Variants in PCDH15 observed in about 807,000 individuals in gnomAD.
The protein encoded by PCDH15 is protocadherin-15.
Under a neutral mutation model 178.5 loss-of-function variants are expected in PCDH15, and 129 were observed. That is an observed-to-expected ratio of 0.72 (90% CI 0.63 to 0.84). The LOEUF (loss-of-function observed/expected upper bound fraction) is 0.84, where lower values mean the gene tolerates loss of function less well. Ranked by LOEUF, PCDH15 falls within the 40% of genes least tolerant of loss-of-function variation. The pLI is 0.00. For synonymous variants in PCDH15, 800 were observed against 732.0 expected (o/e 1.09, Z -1.50); for missense variants, 2,230 against 2,099.9 (o/e 1.06, Z -1.21).
chr10:55,436,529 T>C (rs1289994586), intron 2 of PCDH15, among the ~76,000 whole-genome samples: 2 of 152,106 alleles, frequency 1.3e-5, no homozygotes, highest in Middle Eastern at 3.2e-3. Context: ...TCTTGGGCTT[T>C]AGTTTGTTTC....
chr10:54,188,194 T>A (rs10825264), intron 11 of PCDH15, among the ~76,000 whole-genome samples: 1 of 151,858 alleles, frequency 6.6e-6, no homozygotes. Flanking sequence ...AAATTCCTTC[T>A]TGTCAAGCTG....
intron 1 of PCDH15, among the ~76,000 whole-genome samples, chr10:55,256,310 C>G (rs779744482): frequency 1.3e-5 from 2 of 152,082 alleles, no homozygotes; most frequent in Non-Finnish European, 2.9e-5. Flanking sequence ...AGGCAGAAGA[C>G]GGGTGATTTC....
intron 14 of PCDH15, among the ~76,000 whole-genome samples, chr10:54,141,092 G>GTA (rs1315962850): frequency 6.6e-6 from 1 of 150,494 alleles, no homozygotes; most frequent in Non-Finnish European, 1.5e-5. Flanking sequence ...ATACATATAT[G>GTA]TATATATATT....
intron 20 of PCDH15, among the ~76,000 whole-genome samples, chr10:54,010,244 C>T (rs2092533668): frequency 7.7e-6 from 1 of 130,524 alleles, no homozygotes; most frequent in Non-Finnish European, 1.8e-5. Flanking sequence ...AGTTTCCTTA[C>T]AGAAAAGCGG....
At chr10:55,131,231 C>T (rs1240636816) in intron 2 of PCDH15, among the ~76,000 whole-genome samples, 1 of 152,134 alleles carries the variant, frequency 6.6e-6, no homozygotes, top group Admixed American at 6.5e-5. Flanking sequence ...AACAAATGAC[C>T]TTTTCACTGT....
At chr10:54,356,022 G>A (rs1944919673) in intron 5 of PCDH15, among the ~76,000 whole-genome samples, 1 of 151,906 alleles carries the variant, frequency 6.6e-6, no homozygotes, top group Non-Finnish European at 1.5e-5. Context: ...ATGAGAAACA[G>A]GATAGTTACA....
chr10:54,198,492 A>ATTTTTTTTT (rs1423646160), intron 10 of PCDH15, among the ~76,000 whole-genome samples: 10 of 40,830 alleles, frequency 2.4e-4, no homozygotes, highest in African/African-American at 7.7e-4. Flanking sequence ...ATATCTAATT[A>ATTTTTTTTT]TTCTTTTTTT....
chr10:53,804,925 T>G lies in PCDH15; in HGVS notation c.*1654A>C, dbSNP rs1009403451. 1 of 151,592 alleles carries G rather than the reference T, an allele frequency of 6.6e-6. No homozygotes were observed. Among genetic ancestry groups the G allele is most frequent in the Non-Finnish European group, 1.5e-5 (1 of 67,934 alleles). The allele number at this position is 151,592 out of a possible 1,614,324, so 9.4% of individuals were successfully genotyped here. On this transcript the variant is annotated 3_prime_UTR_variant, in exon 38 of 38. Coordinates refer to ENST00000644397, the MANE Select transcript of PCDH15 (RefSeq NM_001384140.1). ...AATCTAGCTAATGCCACTAGGTTTT[T>G]TTTTGTTTGTTTGTTTTGTTTTGTT... is the stretch of plus-strand genomic sequence containing the variant.
intron 33 of PCDH15, among the ~76,000 whole-genome samples, chr10:53,819,899 G>A (rs1453734358): frequency 6.6e-6 from 1 of 151,780 alleles, no homozygotes; most frequent in Non-Finnish European, 1.5e-5. Flanking sequence ...TAAAACACAG[G>A]TATCTATGTT....
intron 3 of PCDH15, among the ~76,000 whole-genome samples, chr10:54,839,333 C>T (rs1333806214): frequency 6.6e-6 from 1 of 151,820 alleles, no homozygotes; most frequent in East Asian, 1.9e-4. Context: ...AAAAGAGATT[C>T]AAATAGAAAT....
intron 26 of PCDH15, among the ~76,000 whole-genome samples, chr10:53,882,515 CCACG>C (rs1564676331): frequency 6.6e-6 from 1 of 152,178 alleles, no homozygotes; most frequent in African/African-American, 2.4e-5. Flanking sequence ...GCACGCGCCA[CCACG>C]CATGGCTAAT....
intron 2 of PCDH15, among the ~76,000 whole-genome samples, chr10:54,953,214 G>C (rs566761066): frequency 4.6e-5 from 7 of 151,282 alleles, no homozygotes; most frequent in Non-Finnish European, 1.0e-4. Flanking sequence ...AATTTGCTAA[G>C]TATTTTCATG....
chr10:55,084,064 A>T (rs1022222349), intron 2 of PCDH15, among the ~76,000 whole-genome samples: 6 of 140,824 alleles, frequency 4.3e-5, no homozygotes, highest in Admixed American at 7.1e-5. Flanking sequence ...ACAAAAATAT[A>T]AAAAAAATTC....
intron 2 of PCDH15, among the ~76,000 whole-genome samples, chr10:55,623,942 A>ACT (rs926675396): frequency 4.6e-5 from 7 of 151,884 alleles, no homozygotes; most frequent in Non-Finnish European, 1.0e-4. Flanking sequence ...CCTGTGGACT[A>ACT]CTCTCTCTCT....
chr10:55,146,102 T>G (rs78168671), intron 2 of PCDH15, among the ~76,000 whole-genome samples: 3,581 of 152,108 alleles, frequency 0.024, 139 homozygotes, highest in African/African-American at 0.079. Context: ...CTTTTTTGGC[T>G]GTGCCAAGCA....
At chr10:55,053,704 C>G (rs1841221508) in intron 2 of PCDH15, among the ~76,000 whole-genome samples, 1 of 152,052 alleles carries the variant, frequency 6.6e-6, no homozygotes, top group Admixed American at 6.6e-5. Context: ...TCTTTATGTG[C>G]AAGTACAGGT....
intron 1 of PCDH15, among the ~76,000 whole-genome samples, chr10:55,293,151 T>G (rs186044002): frequency 1.5e-3 from 236 of 152,284 alleles, no homozygotes; most frequent in African/African-American, 4.0e-3. Context: ...CCATACCACA[T>G]GGGAGCTGCC....
At chr10:54,117,799 C>A (rs1405680127) in intron 15 of PCDH15, among the ~76,000 whole-genome samples, 1 of 152,060 alleles carries the variant, frequency 6.6e-6, no homozygotes, top group Non-Finnish European at 1.5e-5. Context: ...AGAGGAGACC[C>A]AGGGTGGGTA....
chr10:55,268,408 A>T (rs1361150821), intron 1 of PCDH15, among the ~76,000 whole-genome samples: 1 of 152,192 alleles, frequency 6.6e-6, no homozygotes, highest in African/African-American at 2.4e-5. Flanking sequence ...ATGAGATAAT[A>T]TGGATTAATT....
Sources: allele counts gnomAD v4.1 joint callset (sites outside exome capture counted in the v4.1 genomes callset), GRCh38; gene constraint gnomAD v4.1.1; transcripts MANE v1.5; gene names NCBI Gene and HGNC (gene_info 2026-07-23, HGNC 2026-07-21).